The following MYO15B variants were observed in gnomAD, a reference collection of about 807,000 sequenced individuals.
The protein encoded by MYO15B is myosin XVB pseudogene.
Under a neutral mutation model 119.3 loss-of-function variants are expected in MYO15B, and 207 were observed. The observed-to-expected ratio is 1.73, with a 90% confidence interval of 1.55 to 1.95. The LOEUF (loss-of-function observed/expected upper bound fraction) is 1.95, where lower values mean the gene tolerates loss of function less well. Ranked by LOEUF, MYO15B falls within the 30% of genes most tolerant of loss-of-function variation. MYO15B has a pLI of 0.00. For synonymous variants in MYO15B, 966 were observed against 498.9 expected (o/e 1.94, Z -12.48); for missense variants, 2,264 against 1,203.1 (o/e 1.88, Z -13.04).
chr17:75,614,893 G>C, intron 32 of MYO15B, 44 bp downstream of exon 32: 1 of 702,816 alleles, frequency 1.4e-6, no homozygotes. Flanking sequence ...CCAACCCCCC[G>C]GGGCCTCTGC....
exon 1 of MYO15B, chr17:75,588,341 C>A: frequency 5.0e-6 from 2 of 398,488 alleles, no homozygotes; most frequent in Non-Finnish European, 4.4e-6. Context: ...CAAAGCAACG[C>A]GCAGCGTCAG....
intron 53 of MYO15B, 58 bp from the exon 54 acceptor site, chr17:75,623,723 C>T: frequency 1.4e-6 from 1 of 699,734 alleles, no homozygotes; most frequent in South Asian, 1.5e-5. Context: ...TCCAGGGCTT[C>T]AGACCCCAGG....
Position 75,619,842 on chromosome 17 carries a change from G to C in MYO15B, c.7302-37G>C, listed in dbSNP as rs1485755481. 2.4e-5 allele frequency: 17 copies of C among 702,158 alleles called. No homozygotes were observed. The East Asian group carries it at 4.3e-4, about 18-fold the overall frequency. 43.5% of individuals were successfully genotyped at this position (702,158 alleles called of 1,614,324 possible). On this transcript the variant is annotated intron_variant, in intron 46 of 63. Transcript: ENST00000645453. ...CCTGGGCTAGAGGTGGGGGCAGGTG[G>C]CAAGGTGACCTCAGTTCATGCCCGA...
Position 75,608,393 on chromosome 17 carries a change from G to A in MYO15B, c.4293-1773G>A, listed in dbSNP as rs528624542. Among the ~76,000 whole-genome samples the A allele has an allele frequency of 1.6e-4, 24 of 152,044 alleles. 1 individual carries two copies. The highest frequency in any genetic ancestry group is 5.5e-4 in the African/African-American group (23 of 41,510). On this transcript the variant is annotated intron_variant, in intron 21 of 63. Transcript: ENST00000645453. ...GGTGATCAGCCTCCCAAAGTACTGG[G>A]ATTACAGGCATGAGCCACTGCACCC... is the stretch of plus-strand genomic sequence containing the variant.
At chr17:75,626,526 C>T (rs775324107) in exon 64 of MYO15B, 12 of 702,588 alleles carry the variant, frequency 1.7e-5, no homozygotes, top group Middle Eastern at 2.3e-4. Flanking sequence ...AGGCCTCCCC[C>T]GGCCCAAGTC....
At position 75,615,885 on chromosome 17, in the gene MYO15B, GT is replaced by G. The variant is rs1232388207; in HGVS notation, c.6030+2del. 1.5e-6 allele frequency: 1 copy of G among 673,770 alleles called. No individual in the cohort carries two copies. The highest frequency in any genetic ancestry group is 1.8e-5 in the African/African-American group (1 of 56,340). 41.7% of individuals were successfully genotyped at this position (673,770 alleles called of 1,614,324 possible). A position where few individuals can be genotyped will look rare whatever the true frequency, so the allele number is the denominator to read the frequency against. On this transcript the variant is annotated splice_donor_variant, in intron 36 of 63. Transcript: ENST00000645453. LOFTEE classifies it high-confidence loss of function. ...GGGATCAGAGGGTGGCTGCCTGAGG[GT>G]GAGGAGGTGACCATATTCTCAGGAA... is the stretch of plus-strand genomic sequence containing the variant.
At chr17:75,619,412 A>G (rs1296514775) in exon 45 of MYO15B, 1 of 702,466 alleles carries the variant, frequency 1.4e-6, no homozygotes, top group Non-Finnish European at 2.6e-6. Context: ...AGCGTCAAGA[A>G]GCGCATCGTG....
rs1469622759 is a variant in MYO15B, at chr17:75,604,541, C to T, written c.4017-963C>T. ...CTCCCTTCCATGCCCCTCCCTTCCA[C>T]ACCCCTCCCTCCCTCCCTCCCACAA... On this transcript the variant is annotated intron_variant, in intron 19 of 63. Coordinates refer to ENST00000645453, the Ensembl canonical transcript of MYO15B. Among the ~76,000 whole-genome samples, 5 of 138,214 alleles carry T rather than the reference C, an allele frequency of 3.6e-5. No individual in the cohort carries two copies. In the South Asian group the frequency reaches 7.5e-4, roughly 21 times the overall value. 90.7% of individuals were successfully genotyped at this position (138,214 alleles called of 152,430 possible). A position where few individuals can be genotyped will look rare whatever the true frequency, so the allele number is the denominator to read the frequency against.
chr17:75,626,488 G>T (rs2059077637), exon 64 of MYO15B: 2 of 703,196 alleles, frequency 2.8e-6, no homozygotes, highest in East Asian at 5.4e-5. Flanking sequence ...CAACTGAGAG[G>T]AGTGCAGGCC....
chr17:75,601,507 C>T (rs891574909), exon 15 of MYO15B: 26 of 703,046 alleles, frequency 3.7e-5, no homozygotes, highest in Non-Finnish European at 5.5e-5. Context: ...TGCCAAGCCC[C>T]GGCTGCCCCT....
intron 19 of MYO15B, among the ~76,000 whole-genome samples, chr17:75,604,838 G>T (rs1670995): frequency 0.026 from 3,914 of 152,154 alleles, 59 homozygotes; most frequent in Middle Eastern, 0.048. Context: ...TCAGGGTGTC[G>T]TACAGCAAGT....
intron 42 of MYO15B, 67 bp downstream of exon 42, chr17:75,617,989 A>T (rs552653562): frequency 2.9e-6 from 2 of 692,572 alleles, no homozygotes; most frequent in East Asian, 5.4e-5. Flanking sequence ...GGCTTTGTGC[A>T]TCCCAGCCTG....
intron 10 of MYO15B, 23 bp downstream of exon 10, chr17:75,594,611 G>C (rs1372563174): frequency 1.5e-6 from 1 of 688,684 alleles, no homozygotes; most frequent in East Asian, 2.7e-5. Context: ...GTCCTGGGGA[G>C]AGGGGCCTGG....
chr17:75,606,253 C>G (rs1265465521), intron 21 of MYO15B, among the ~76,000 whole-genome samples: 2 of 152,094 alleles, frequency 1.3e-5, no homozygotes, highest in African/African-American at 2.4e-5. Flanking sequence ...GCCACCTGAA[C>G]CTGTGGTCCT....
chr17:75,596,482 A>G (rs1436072161), exon 13 of MYO15B: 4 of 701,160 alleles, frequency 5.7e-6, no homozygotes, highest in Non-Finnish European at 1.0e-5. Context: ...AATGGCCTGG[A>G]GCAACTGTGC....
intron 14 of MYO15B, among the ~76,000 whole-genome samples, chr17:75,598,861 C>T (rs2057056822): frequency 7.0e-6 from 1 of 142,332 alleles, no homozygotes; most frequent in Non-Finnish European, 1.6e-5. Context: ...GCATGGATTT[C>T]CAGGGCTCAG....
At chr17:75,621,624 G>T in intron 52 of MYO15B, 54 bp downstream of exon 52, 1 of 685,910 alleles carries the variant, frequency 1.5e-6, no homozygotes, top group Admixed American at 2.0e-5. Context: ...ATGAACCTGG[G>T]TGTCTGGTCC....
intron 14 of MYO15B, among the ~76,000 whole-genome samples, chr17:75,599,688 C>T (rs761974880): frequency 1.6e-4 from 24 of 151,674 alleles, no homozygotes; most frequent in African/African-American, 4.8e-4. Flanking sequence ...GGGCAGATCA[C>T]GAGGTCAGGA....
exon 38 of MYO15B, chr17:75,616,404 G>GAGGAGGAGGAGC: frequency 1.6e-6 from 1 of 625,040 alleles, no homozygotes; most frequent in Non-Finnish European, 2.9e-6. Context: ...GGAGGAGGAG[G>GAGGAGGAGGAGC]AGGAGGAGGA....
Sources: allele counts gnomAD v4.1 joint callset (sites outside exome capture counted in the v4.1 genomes callset), GRCh38; gene constraint gnomAD v4.1.1; transcripts MANE v1.5; gene names NCBI Gene and HGNC (gene_info 2026-07-23, HGNC 2026-07-21).